MYO18B: variants seen among roughly 807,000 people sequenced by gnomAD.
MYO18B encodes unconventional myosin-XVIIIb.
Under a neutral mutation model 273.0 loss-of-function variants are expected in MYO18B, and 204 were observed. That is an observed-to-expected ratio of 0.75 (90% CI 0.67 to 0.84). The LOEUF (loss-of-function observed/expected upper bound fraction) is 0.84. Ranked by LOEUF, MYO18B falls within the 40% of genes least tolerant of loss-of-function variation. MYO18B has a pLI of 0.00. For synonymous variants in MYO18B, 1,330 were observed against 1,305.7 expected, an observed-to-expected ratio of 1.02 and a Z score of -0.40; for missense variants, 3,212 against 3,287.6, an observed-to-expected ratio of 0.98 and a Z score of 0.56.
rs57156778 is a variant in MYO18B at position 25,987,372 on chromosome 22, A to G, written c.6157-4991A>G. Among the ~76,000 whole-genome samples, 215 of 152,312 alleles carry G rather than the reference A, an allele frequency of 1.4e-3. 4 individuals carry two copies. In the South Asian group the frequency reaches 0.026, roughly 18 times the overall value. On this transcript the variant is annotated intron_variant, in intron 39 of 43. Coordinates refer to ENST00000335473, the MANE Select transcript of MYO18B (RefSeq NM_032608.7). ...GAGGGAGTAGCCCGGGGGTTTAACA[A>G]GAAATCATAGTTCTCTCAAGTGATG...
intron 11 of MYO18B, among the ~76,000 whole-genome samples, chr22:25,790,270 T>A (rs1200585926): frequency 1.3e-5 from 2 of 152,282 alleles, no homozygotes; most frequent in Non-Finnish European, 2.9e-5. Context: ...TTATTTATTT[T>A]TATTTTTTAA....
intron 1 of MYO18B, among the ~76,000 whole-genome samples, chr22:25,750,471 G>T (rs569751726): frequency 1.3e-5 from 2 of 151,958 alleles, no homozygotes; most frequent in Non-Finnish European, 2.9e-5. Flanking sequence ...TTTTTCCCTC[G>T]CTGTCTGGCC....
At chr22:26,025,572 C>G (rs897858467) in intron 42 of MYO18B, among the ~76,000 whole-genome samples, 12 of 150,856 alleles carry the variant, frequency 8.0e-5, no homozygotes, top group African/African-American at 2.4e-4. Flanking sequence ...TGCCAACACT[C>G]TGACATTTGG....
chr22:25,979,484 C>T (rs968893718), intron 39 of MYO18B, among the ~76,000 whole-genome samples: 8 of 152,158 alleles, frequency 5.3e-5, no homozygotes, highest in East Asian at 1.9e-4. Flanking sequence ...GGGATTGGGG[C>T]GTTTGGAGTT....
chr22:26,006,025 G>A (rs1685437376), intron 42 of MYO18B, among the ~76,000 whole-genome samples: 1 of 152,206 alleles, frequency 6.6e-6, no homozygotes, highest in Non-Finnish European at 1.5e-5. Flanking sequence ...TGTGTCCTCT[G>A]TGAACTCCAA....
In MYO18B at chr22:25,764,461, T is replaced by C. The variant is rs371337022; in HGVS notation, c.198+1072T>C. On this transcript the variant is annotated intron_variant, in intron 3 of 43. Coordinates refer to ENST00000335473, the MANE Select transcript of MYO18B (RefSeq NM_032608.7). ...GCAATGCTTGGGCTGAGAGGTCTGG[T>C]GGCCTCAGGGCCTGGTGCTGGCTTG... Among the ~76,000 whole-genome samples the C allele has an allele frequency of 1.3e-3, 195 of 152,308 alleles. 3 individuals are homozygous for C. In the South Asian group the frequency reaches 0.039, roughly 30 times the overall value.
At chr22:25,865,681 A>G (rs1455567201) in intron 21 of MYO18B, among the ~76,000 whole-genome samples, 1 of 152,166 alleles carries the variant, frequency 6.6e-6, no homozygotes, top group Non-Finnish European at 1.5e-5. Context: ...CACACAGTTT[A>G]TGGAGTGATA....
At chr22:25,766,113 A>G (rs1249938599) in intron 3 of MYO18B, among the ~76,000 whole-genome samples, 1 of 152,094 alleles carries the variant, frequency 6.6e-6, no homozygotes, top group Admixed American at 6.6e-5. Flanking sequence ...AGGAGATTCC[A>G]GAGAGCCCTA....
At chr22:25,911,232 C>T (rs2092152100) in intron 33 of MYO18B, among the ~76,000 whole-genome samples, 182 bp downstream of exon 33, 1 of 152,192 alleles carries the variant, frequency 6.6e-6, no homozygotes, top group Non-Finnish European at 1.5e-5. Context: ...TTTGTAAGAA[C>T]CCATGGGGAA....
intron 25 of MYO18B, among the ~76,000 whole-genome samples, chr22:25,880,993 C>T (rs190389574): frequency 6.6e-5 from 10 of 152,336 alleles, no homozygotes; most frequent in African/African-American, 1.9e-4. Flanking sequence ...TTTCTACACC[C>T]GAGAGCACCT....
At chr22:25,919,678 ATGTGTGTGTGTG>A (rs35856330) in intron 33 of MYO18B, among the ~76,000 whole-genome samples, 76 of 148,096 alleles carry the variant, frequency 5.1e-4, no homozygotes, top group African/African-American at 1.6e-3. Flanking sequence ...GTGTGTGTGT[ATGTGTGTGTGTG>A]TGTGTGTGTG....
intron 34 of MYO18B, among the ~76,000 whole-genome samples, chr22:25,925,548 T>G (rs191113821): frequency 1.3e-5 from 2 of 152,166 alleles, no homozygotes; most frequent in East Asian, 3.9e-4. Context: ...AAGCGAAGCA[T>G]CATCATCATC....
Position 25,851,488 on chromosome 22 carries a change from G to T in MYO18B, c.3794G>T (p.Gly1265Val). 1 of 1,556,888 alleles carries T rather than the reference G, an allele frequency of 6.4e-7. No homozygotes were observed. Among genetic ancestry groups the T allele is most frequent in the Non-Finnish European group, 8.7e-7 (1 of 1,149,952 alleles). ...LHRTGYADHM[G>V]LTRFRRQFQV... ...TCCCTAGGCTATGCTGACCACATGG[G>T]GCTCACTCGCTTCCGCCGGCAATTC... The change falls in exon 21 of 44, where the codon GGG becomes GTG. Residue 1265 changes from glycine to valine, a missense_variant. Physicochemically the swap from Gly to Val is moderately radical, Grantham distance 109. Transcript: ENST00000335473.
intron 39 of MYO18B, among the ~76,000 whole-genome samples, chr22:25,977,840 A>G (rs866710162): frequency 2.0e-5 from 3 of 152,292 alleles, no homozygotes; most frequent in South Asian, 2.1e-4. Context: ...TAGCACAACA[A>G]TGCTGTTATT....
intron 39 of MYO18B, among the ~76,000 whole-genome samples, chr22:25,962,291 T>C (rs2092926387): frequency 6.6e-6 from 1 of 152,180 alleles, no homozygotes; most frequent in Admixed American, 6.5e-5. Context: ...AATGCATGTG[T>C]CACCCAGTTA....
At chr22:25,885,619 G>A (rs1409161471) in intron 25 of MYO18B, among the ~76,000 whole-genome samples, 3 of 152,074 alleles carry the variant, frequency 2.0e-5, no homozygotes, top group East Asian at 1.9e-4. Context: ...GCATGAAGCC[G>A]GACTGGATCG....
At chr22:25,855,805 T>G (rs1218400867) in intron 21 of MYO18B, among the ~76,000 whole-genome samples, 4 of 152,142 alleles carry the variant, frequency 2.6e-5, no homozygotes, top group African/African-American at 9.7e-5. Context: ...CAAATATCTC[T>G]TGAAGACCCT....
chr22:25,763,313 T>G lies in MYO18B; in HGVS notation c.122T>G (p.Leu41Arg), dbSNP rs1002688530. 1.2e-6 allele frequency: 2 copies of G among 1,612,960 alleles called. No individual in the cohort carries two copies. The highest frequency in any genetic ancestry group is 1.7e-6 in the Non-Finnish European group (2 of 1,179,688). The change falls in exon 3 of 44, where the codon CTG (leucine) becomes CGG (arginine). Residue 41 changes from leucine (L) to arginine (R), a missense_variant. Transcript: ENST00000335473. Reference protein sequence around the residue: ...SVIPGGFIKQLVRGTEKEAKE... With the variant: ...SVIPGGFIKQRVRGTEKEAKE... Reference sequence around the variant, plus strand: ...ATCCCAGGGGGCTTCATTAAGCAACTGGTCCGGGGGACTGAAAAAGAGGCC... The same window carrying G: ...ATCCCAGGGGGCTTCATTAAGCAACGGGTCCGGGGGACTGAAAAAGAGGCC...
chr22:25,793,929 C>CT (rs2087788587), intron 11 of MYO18B, among the ~76,000 whole-genome samples: 1 of 151,858 alleles, frequency 6.6e-6, no homozygotes. Context: ...CTCCCATATT[C>CT]TTTGTCTCTC....
Sources: gnomAD v4.1 joint callset for allele counts (sites outside exome capture counted in the v4.1 genomes callset) on GRCh38, gnomAD v4.1.1 for gene constraint, MANE v1.5 for transcripts, NCBI Gene and HGNC (gene_info 2026-07-23, HGNC 2026-07-21) for gene names.